NR3C2: variants seen among roughly 807,000 people sequenced by gnomAD.
NR3C2 encodes the protein mineralocorticoid receptor.
A neutral mutation model predicts 86.4 loss-of-function variants in NR3C2; 15 were observed. That is an observed-to-expected ratio of 0.17 (90% CI 0.12 to 0.27). NR3C2 has a LOEUF of 0.27. Ranked by LOEUF, NR3C2 falls within the 10% of genes least tolerant of loss-of-function variation. The pLI is 1.00. For synonymous variants in NR3C2, 458 were observed against 450.5 expected, an observed-to-expected ratio of 1.02 and a Z score of -0.21; for missense variants, 960 against 1,195.6, an observed-to-expected ratio of 0.80 and a Z score of 2.91.
chr4:148,108,875 C>T (rs566143897), intron 8 of NR3C2, among the ~76,000 whole-genome samples: 143 of 152,294 alleles, frequency 9.4e-4, no homozygotes, highest in Non-Finnish European at 1.4e-3. Flanking sequence ...CTCACAGAAA[C>T]GATGAATTCC....
chr4:148,284,827 G>A (rs1741434220), intron 2 of NR3C2, among the ~76,000 whole-genome samples: 1 of 152,198 alleles, frequency 6.6e-6, no homozygotes, highest in Admixed American at 6.5e-5. Flanking sequence ...TGACCTGAGA[G>A]CACTGAGGGG....
chr4:148,162,848 T>C (rs995713918), intron 4 of NR3C2, among the ~76,000 whole-genome samples: 3 of 152,140 alleles, frequency 2.0e-5, no homozygotes, highest in Non-Finnish European at 4.4e-5. Flanking sequence ...TGTGCTGATA[T>C]AGACCTTGAG....
intron 3 of NR3C2, among the ~76,000 whole-genome samples, chr4:148,253,308 G>C (rs1046223878): frequency 6.6e-6 from 1 of 152,132 alleles, no homozygotes; most frequent in African/African-American, 2.4e-5. Flanking sequence ...AATAATCAAG[G>C]CATAATGATA....
At chr4:148,134,926 G>C (rs988267353) in intron 6 of NR3C2, among the ~76,000 whole-genome samples, 14 of 151,826 alleles carry the variant, frequency 9.2e-5, no homozygotes, top group Admixed American at 2.6e-4. Context: ...CCAAAGTGCT[G>C]GGATTACAGG....
At chr4:148,286,231 G>A (rs1741511949) in intron 2 of NR3C2, among the ~76,000 whole-genome samples, 2 of 152,186 alleles carry the variant, frequency 1.3e-5, no homozygotes, top group African/African-American at 4.8e-5. Context: ...ACTGATAAGA[G>A]TAACAGACCA....
Position 148,167,439 on chromosome 4 carries a change from T to C in NR3C2, c.2015-12538A>G, listed in dbSNP as rs868553540. Reference sequence around the variant, plus strand: ...TTCCCTTTAGAGCATTTTTAGCCTTTAGTGATTTTTTTCGGACCCACAGTT... The same window carrying C: ...TTCCCTTTAGAGCATTTTTAGCCTTCAGTGATTTTTTTCGGACCCACAGTT... On this transcript the variant is annotated intron_variant, in intron 4 of 8. Coordinates refer to ENST00000358102, the MANE Select transcript of NR3C2 (RefSeq NM_000901.5). 2.0e-5 allele frequency among the ~76,000 whole-genome samples: 3 copies of C among 152,190 alleles called. No individual in the cohort carries two copies. The South Asian group carries it at 6.2e-4, about 32-fold the overall frequency.
chr4:148,359,043 C>T (rs972113990), intron 2 of NR3C2, among the ~76,000 whole-genome samples: 8 of 152,010 alleles, frequency 5.3e-5, no homozygotes, highest in African/African-American at 1.9e-4. Flanking sequence ...CAGGAGAGAG[C>T]TGTAAAAAGA....
intron 2 of NR3C2, among the ~76,000 whole-genome samples, chr4:148,385,855 C>T (rs1054109052): frequency 5.9e-5 from 9 of 152,186 alleles, no homozygotes; most frequent in Non-Finnish European, 1.0e-4. Context: ...CACATTCCTT[C>T]CCATCATTAC....
intron 2 of NR3C2, among the ~76,000 whole-genome samples, chr4:148,294,436 G>T (rs1203001582): frequency 6.6e-6 from 1 of 151,726 alleles, no homozygotes; most frequent in East Asian, 1.9e-4. Flanking sequence ...TACGTTATAG[G>T]TTTTTTTCTG....
chr4:148,435,050 C>T (rs1357509673), intron 2 of NR3C2, 54 bp downstream of exon 2: 7 of 1,523,486 alleles, frequency 4.6e-6, no homozygotes, highest in South Asian at 1.1e-5. Flanking sequence ...ATAATGCTAA[C>T]CTTCAACATG....
At chr4:148,390,091 GA>G (rs1747464070) in intron 2 of NR3C2, among the ~76,000 whole-genome samples, 1 of 149,462 alleles carries the variant, frequency 6.7e-6, no homozygotes, top group African/African-American at 2.5e-5. Flanking sequence ...AGGAGGGAAG[GA>G]AATATGATCA....
chr4:148,092,644 CT>C (rs1405091836), intron 8 of NR3C2, among the ~76,000 whole-genome samples: 1 of 152,178 alleles, frequency 6.6e-6, no homozygotes, highest in African/African-American at 2.4e-5. Flanking sequence ...AAATGAGCAT[CT>C]TCATTTTGTG....
At chr4:148,332,946 A>T (rs1223621107) in intron 2 of NR3C2, among the ~76,000 whole-genome samples, 1 of 152,168 alleles carries the variant, frequency 6.6e-6, no homozygotes, top group East Asian at 1.9e-4. Flanking sequence ...TCATTAAAAA[A>T]TAACAAGACA....
At chr4:148,141,967 G>A (rs182074175) in intron 6 of NR3C2, among the ~76,000 whole-genome samples, 15 of 152,192 alleles carry the variant, frequency 9.9e-5, no homozygotes, top group East Asian at 5.8e-4. Context: ...GTGTATGAGG[G>A]GAAAGTCATT....
chr4:148,376,095 A>G (rs1186779571), intron 2 of NR3C2, among the ~76,000 whole-genome samples: 1 of 148,492 alleles, frequency 6.7e-6, no homozygotes, highest in East Asian at 2.0e-4. Context: ...AAGAATAATA[A>G]CGTTATTCTG....
intron 2 of NR3C2, among the ~76,000 whole-genome samples, chr4:148,396,589 A>G (rs568103561): frequency 1.3e-5 from 2 of 152,338 alleles, no homozygotes; most frequent in East Asian, 3.9e-4. Context: ...ATGAAAAACA[A>G]GCACAACCTT....
In NR3C2 at chr4:148,134,742, G is replaced by A. The variant is rs373527719; in HGVS notation, c.2511-14454C>T. Among the ~76,000 whole-genome samples the A allele has an allele frequency of 2.0e-3, 290 of 147,870 alleles. 1 individual carries two copies. The highest frequency in any genetic ancestry group is 7.0e-3 in the African/African-American group (279 of 39,766). On this transcript the variant is annotated intron_variant, in intron 6 of 8. Transcript: ENST00000358102. The stretch of plus-strand genomic sequence containing the variant: ...CGGCTCACTGCAACCTGTGCCTCCC[G>A]GGTTCAAGTGATTCTCCTGCCTCAG...
Position 148,319,314 on chromosome 4 carries a change from T to G in NR3C2, c.1758-59197A>C, listed in dbSNP as rs185235230. Reference sequence around the variant, plus strand: ...ATAGTTCGAAGTCAGGTAGTGTGATTCCTCCAGCTTTGTTCTTTTGGCTTA... The same window carrying G: ...ATAGTTCGAAGTCAGGTAGTGTGATGCCTCCAGCTTTGTTCTTTTGGCTTA... On this transcript the variant is annotated intron_variant, in intron 2 of 8. Coordinates refer to ENST00000358102, the MANE Select transcript of NR3C2 (RefSeq NM_000901.5). Among the ~76,000 whole-genome samples, 268 of 152,292 alleles carry G rather than the reference T, an allele frequency of 1.8e-3. 1 individual carries two copies. Among genetic ancestry groups the G allele is most frequent in the African/African-American group, 5.5e-3 (230 of 41,558 alleles).
chr4:148,207,327 C>CCA, intron 3 of NR3C2, among the ~76,000 whole-genome samples: 1 of 152,288 alleles, frequency 6.6e-6, no homozygotes, highest in Middle Eastern at 3.4e-3. Context: ...TCAAGTCTGA[C>CCA]AAAAGCCCAT....
Sources: allele counts gnomAD v4.1 joint callset (sites outside exome capture counted in the v4.1 genomes callset), GRCh38; gene constraint gnomAD v4.1.1; transcripts MANE v1.5; gene names NCBI Gene and HGNC (gene_info 2026-07-23, HGNC 2026-07-21).